IFIH1: variants seen among roughly 807,000 people sequenced by gnomAD.
IFIH1 encodes the protein interferon-induced helicase C domain-containing protein 1.
In IFIH1, 125 loss-of-function variants were observed where a neutral mutation model predicts 107.4. The observed-to-expected ratio is 1.16, with a 90% CI of 1.01 to 1.35. The LOEUF is 1.35. Ranked by LOEUF, IFIH1 falls within the 40% of genes most tolerant of loss-of-function variation. The pLI is 0.00. For synonymous variants in IFIH1, 458 were observed against 413.2 expected (o/e 1.11, Z -1.31); for missense variants, 1,333 against 1,213.7 (o/e 1.10, Z -1.46).
At chr2:162,307,633 G>A (rs1683309078) in intron 2 of IFIH1, among the ~76,000 whole-genome samples, 1 of 152,132 alleles carries the variant, frequency 6.6e-6, no homozygotes. Context: ...GCTGCAATCT[G>A]TCAGAGAAGA....
At position 162,287,570 on chromosome 2, in the gene IFIH1, T is replaced by C. The variant is rs555131750; in HGVS notation, c.1095+565A>G. Reference sequence around the variant, plus strand: ...GTAATATGTGTATATTTTATATATATATATGTATACTTCTTGAGCATTTTA... The same window carrying C: ...GTAATATGTGTATATTTTATATATACATATGTATACTTCTTGAGCATTTTA... On this transcript the variant is annotated intron_variant, in intron 5 of 15. Coordinates refer to ENST00000649979, the MANE Select transcript of IFIH1 (RefSeq NM_022168.4). Among the ~76,000 whole-genome samples the C allele has an allele frequency of 5.3e-5, 8 of 151,942 alleles. No individual in the cohort carries two copies. In the East Asian group the frequency reaches 1.6e-3, roughly 30 times the overall value.
At chr2:162,271,280 A>C (rs181287026) in intron 13 of IFIH1, among the ~76,000 whole-genome samples, 1 of 152,074 alleles carries the variant, frequency 6.6e-6, no homozygotes, top group Non-Finnish European at 1.5e-5. Flanking sequence ...TGCAGCCATA[A>C]AAAAGGATGA....
Position 162,282,448 on chromosome 2 carries a change from A to G in IFIH1, c.1224T>C (p.Asp408=). The G allele has an allele frequency of 6.2e-7, 1 of 1,612,008 alleles. No individual in the cohort carries two copies. Among genetic ancestry groups the G allele is most frequent in the Non-Finnish European group, 8.5e-7 (1 of 1,178,570 alleles). ...ISFPEVVKSC[D]IIISTAQILE... ...GGATTTGAGCTGTACTGATAATAATATCACAGGACTTGACAACTTCTGGAA... is the reference window on the plus strand; with the variant it reads ...GGATTTGAGCTGTACTGATAATAATGTCACAGGACTTGACAACTTCTGGAA... Residue 408 remains aspartate (D), a synonymous_variant, in exon 6 of 16, where the codon GAT becomes GAC. Coordinates refer to ENST00000649979, the MANE Select transcript of IFIH1 (RefSeq NM_022168.4).
intron 4 of IFIH1, among the ~76,000 whole-genome samples, chr2:162,291,589 G>A (rs1202752077): frequency 1.3e-5 from 2 of 151,660 alleles, no homozygotes; most frequent in Non-Finnish European, 3.0e-5. Context: ...TTCCACAAAG[G>A]AATATAATAT....
At position 162,282,574 on chromosome 2, in the gene IFIH1, T is replaced by C; in HGVS notation, c.1098A>G (p.Val366=). The C allele has an allele frequency of 1.3e-6, 2 of 1,597,064 alleles. No homozygotes were observed. Among genetic ancestry groups the C allele is most frequent in the Non-Finnish European group, 1.7e-6 (2 of 1,170,592 alleles). Residue 366 remains valine (V), a splice_region_variant and synonymous_variant, in exon 6 of 16, where the codon GTA becomes GTG. Coordinates refer to ENST00000649979, the MANE Select transcript of IFIH1 (RefSeq NM_022168.4). ...TGCGGAAGAGCTGTTCAACTAGCAG[T>C]ACCTTAAAAAAATGTGAAGATTTTT... ...PGKVIVLVNK[V]LLVEQLFRKE...
At chr2:162,299,412 G>A (rs909457881) in intron 3 of IFIH1, among the ~76,000 whole-genome samples, 7 of 152,160 alleles carry the variant, frequency 4.6e-5, no homozygotes, top group African/African-American at 9.7e-5. Context: ...AGGGAGATAC[G>A]AATACACTAA....
At chr2:162,268,298 T>C (rs1055502208) in intron 13 of IFIH1, 21 bp from the exon 14 acceptor site, 2 of 1,521,736 alleles carry the variant, frequency 1.3e-6, no homozygotes, top group African/African-American at 2.8e-5. Context: ...AAAGGAATAG[T>C]TAGTGGTTTC....
At chr2:162,289,522 T>C (rs1056873455) in intron 4 of IFIH1, among the ~76,000 whole-genome samples, 1 of 151,930 alleles carries the variant, frequency 6.6e-6, no homozygotes, top group Non-Finnish European at 1.5e-5. Context: ...TCATCACACA[T>C]GAAATAACTT....
intron 3 of IFIH1, among the ~76,000 whole-genome samples, chr2:162,297,188 GTGTT>G (rs1300284165): frequency 3.3e-5 from 5 of 152,086 alleles, no homozygotes; most frequent in African/African-American, 1.2e-4. Flanking sequence ...GATCAAGAAA[GTGTT>G]TGCGTGAAGC....
intron 2 of IFIH1, among the ~76,000 whole-genome samples, chr2:162,309,366 A>G (rs758040621): frequency 1.3e-5 from 2 of 152,348 alleles, no homozygotes; most frequent in East Asian, 3.9e-4. Flanking sequence ...GAAACCAAAA[A>G]GGAAACTGCC....
At chr2:162,280,949 G>A (rs16846553) in intron 7 of IFIH1, among the ~76,000 whole-genome samples, 2 of 151,964 alleles carry the variant, frequency 1.3e-5, no homozygotes, top group Admixed American at 1.3e-4. Flanking sequence ...AAAATACGCA[G>A]TTTTGAAACT....
intron 4 of IFIH1, among the ~76,000 whole-genome samples, chr2:162,293,046 G>T (rs923572150): frequency 6.6e-6 from 1 of 151,780 alleles, no homozygotes; most frequent in African/African-American, 2.4e-5. Flanking sequence ...GAAAAACCTG[G>T]TAAAATTTTC....
chr2:162,282,611 A>G (rs1416385832), intron 5 of IFIH1, 35 bp from the exon 6 acceptor site: 1 of 1,409,960 alleles, frequency 7.1e-7, no homozygotes, highest in Non-Finnish European at 9.8e-7. Flanking sequence ...AAAAGAGAGA[A>G]AGTTAGTCGA....
intron 8 of IFIH1, among the ~76,000 whole-genome samples, chr2:162,279,058 T>C (rs1405332206): frequency 6.6e-6 from 1 of 152,072 alleles, no homozygotes; most frequent in Non-Finnish European, 1.5e-5. Flanking sequence ...GTTTAAAAAA[T>C]GGCAAATTCT....
At chr2:162,289,983 C>A (rs968719152) in intron 4 of IFIH1, among the ~76,000 whole-genome samples, 18 of 151,878 alleles carry the variant, frequency 1.2e-4, no homozygotes, top group Non-Finnish European at 2.4e-4. Context: ...CATAGACTAT[C>A]AAAACCATGA....
At chr2:162,281,603 T>C (rs1296503035) in intron 6 of IFIH1, 58 bp from the exon 7 acceptor site, 12 of 1,294,254 alleles carry the variant, frequency 9.3e-6, no homozygotes, top group Non-Finnish European at 1.3e-5. Context: ...AGTGAGAAAA[T>C]AGCTTTAGAC....
chr2:162,268,570 G>C (rs1472524903), intron 13 of IFIH1, among the ~76,000 whole-genome samples: 2 of 151,992 alleles, frequency 1.3e-5, no homozygotes, highest in Non-Finnish European at 2.9e-5. Flanking sequence ...TCTCTGTCTA[G>C]CCTACCCATT....
At chr2:162,293,310 T>C (rs1683029524) in intron 4 of IFIH1, among the ~76,000 whole-genome samples, 1 of 151,952 alleles carries the variant, frequency 6.6e-6, no homozygotes, top group Admixed American at 6.6e-5. Context: ...ATAGATGACA[T>C]GACTCTATGG....
chr2:162,311,572 T>C (rs1683385192), intron 1 of IFIH1, among the ~76,000 whole-genome samples: 1 of 152,110 alleles, frequency 6.6e-6, no homozygotes, highest in South Asian at 2.1e-4. Flanking sequence ...GCAGAATTAT[T>C]TTTATATCCA....
Sources: allele counts gnomAD v4.1 joint callset (sites outside exome capture counted in the v4.1 genomes callset), GRCh38; gene constraint gnomAD v4.1.1; transcripts MANE v1.5; gene names NCBI Gene and HGNC (gene_info 2026-07-23, HGNC 2026-07-21).